EP400: variants seen among roughly 807,000 people sequenced by gnomAD.
EP400 encodes the protein E1A-binding protein p400.
A neutral mutation model predicts 354.1 loss-of-function variants in EP400; 105 were observed. The observed-to-expected ratio is 0.30, with a 90% CI of 0.25 to 0.35. The LOEUF (loss-of-function observed/expected upper bound fraction) is 0.35. EP400 is among the 10% of genes least tolerant of loss of function. The pLI, the probability that EP400 is intolerant of heterozygous loss-of-function variation, is 1.00. For synonymous variants in EP400, 1,646 were observed against 1,716.9 expected, an observed-to-expected ratio of 0.96 and a Z score of 1.02; for missense variants, 3,280 against 4,121.0, an observed-to-expected ratio of 0.80 and a Z score of 5.59.
intron 45 of EP400, among the ~76,000 whole-genome samples, chr12:132,059,999 G>A (rs1225469327): frequency 6.6e-6 from 1 of 151,934 alleles, no homozygotes; most frequent in Non-Finnish European, 1.5e-5. Flanking sequence ...CTCCAGCCTG[G>A]GTGACAGAGC....
At chr12:131,996,833 G>T (rs999900829) in intron 12 of EP400, among the ~76,000 whole-genome samples, 1 of 152,048 alleles carries the variant, frequency 6.6e-6, no homozygotes, top group Non-Finnish European at 1.5e-5. Flanking sequence ...TTATTGACTT[G>T]TTGGTGATGG....
At chr12:131,964,790 T>G (rs1892017079) in intron 2 of EP400, among the ~76,000 whole-genome samples, 1 of 152,258 alleles carries the variant, frequency 6.6e-6, no homozygotes, top group South Asian at 2.1e-4. Flanking sequence ...TTTCCTTACC[T>G]AATCACAGTA....
rs746603181 is a variant in EP400 at position 132,062,331 on chromosome 12, C to T, written c.8098+8C>T. ...TGCCCCAAGTGTCCCAAGGTAAAGC[C>T]AGGCTGGGAGCTTTCTCTGCCACAC... On this transcript the variant is annotated splice_region_variant and intron_variant, in intron 46 of 52. Coordinates refer to ENST00000389561, the MANE Select transcript of EP400 (RefSeq NM_015409.5). 1.1e-5 allele frequency: 18 copies of T among 1,613,924 alleles called. No individual in the cohort carries two copies. The South Asian group carries it at 1.9e-4, about 17-fold the overall frequency.
chr12:132,010,704 G>A (rs1407848490), intron 15 of EP400, among the ~76,000 whole-genome samples: 3 of 152,344 alleles, frequency 2.0e-5, no homozygotes, highest in African/African-American at 7.2e-5. Context: ...CACGTTGGGA[G>A]GCCGAGGTAG....
rs372302701 is a variant in EP400 at position 132,067,369 on chromosome 12, C to T, written c.8757C>T (p.Thr2919=). ...GGCTTTTGCTGCCTGCAGGACAGAC[C>T]GTGGTGGCCCAGCCCGTGCACATGC... ...IGQPQKAAGQ[T]VVAQPVHMQQ... The change falls in exon 50 of 53, where the codon ACC becomes ACT. Residue 2919 remains threonine, a synonymous_variant. Coordinates refer to ENST00000389561, the MANE Select transcript of EP400 (RefSeq NM_015409.5). The surrounding 1 kb of genome is among the most constrained non-coding windows in gnomAD (Gnocchi z 5.3). 10 of 1,613,224 alleles carry T rather than the reference C, an allele frequency of 6.2e-6. No individual in the cohort carries two copies. Among genetic ancestry groups the T allele is most frequent in the African/African-American group, 4.0e-5 (3 of 74,892 alleles).
chr12:131,966,017 G>C (rs537498228), intron 2 of EP400, among the ~76,000 whole-genome samples: 206 of 151,884 alleles, frequency 1.4e-3, no homozygotes, highest in African/African-American at 4.9e-3. Context: ...ATTCTGGTTT[G>C]GGTGGCTGGC....
In EP400 at chr12:132,018,821, G is replaced by A. The variant is rs181265458; in HGVS notation, c.4277+445G>A. ...TCATGAGGCTGGGAGGGACAGACAC[G>A]TTAGATGATTAAAACGAGATATAAA... On this transcript the variant is annotated intron_variant, in intron 21 of 52. Transcript: ENST00000389561. This position sits in a 1 kb window ranked among gnomAD's most constrained non-coding sequence, Gnocchi z 4.0. Among the ~76,000 whole-genome samples, 4 of 152,304 alleles carry A rather than the reference G, an allele frequency of 2.6e-5. No individual in the cohort carries two copies. The highest frequency in any genetic ancestry group is 4.1e-4 in the South Asian group (2 of 4,830).
rs549810316 is a variant in EP400 at position 132,024,081 on chromosome 12, T to A, written c.4855+140T>A. On this transcript the variant is annotated intron_variant, in intron 24 of 52. Transcript: ENST00000389561. ...CCGATGATGCATCTCACCTCATGGG[T>A]TCATGGAAGACCAGCGAGATGACGT... The A allele has an allele frequency of 9.7e-5, 93 of 957,138 alleles. No individual in the cohort carries two copies. In the African/African-American group the frequency reaches 1.5e-3, roughly 15 times the overall value. 59.3% of individuals were successfully genotyped at this position (957,138 alleles called of 1,614,324 possible).
chr12:132,021,055 A>G, intron 22 of EP400, 24 bp from the exon 23 acceptor site: 1 of 1,567,956 alleles, frequency 6.4e-7, no homozygotes, highest in Non-Finnish European at 8.6e-7. Flanking sequence ...ACAGCTTTGC[A>G]CAAACAAACC....
rs1360025944 is a variant in EP400 at position 132,021,145 on chromosome 12, C to T, written c.4514C>T (p.Ala1505Val). The T allele has an allele frequency of 3.1e-6, 5 of 1,600,622 alleles. No homozygotes were observed. Among genetic ancestry groups the T allele is most frequent in the African/African-American group, 2.7e-5 (2 of 75,044 alleles). Residue 1505 changes from alanine to valine, a missense_variant, in exon 23 of 53, where the codon GCC becomes GTC. By Grantham distance (64) the Ala-to-Val change is moderately conservative. This residue lies in a region of EP400 where 342 missense variants were observed against 342.7 expected (regional missense o/e 1.00). Transcript: ENST00000389561. ...ASAPRHQPAS[A>V]SSTAASPAHP... ...GCTCCACGACACCAGCCCGCCTCGGCCTCCAGCACAGCCGCTAGCCCGGCC... is the reference window on the plus strand; with the variant it reads ...GCTCCACGACACCAGCCCGCCTCGGTCTCCAGCACAGCCGCTAGCCCGGCC...
rs1422394877 is a variant in EP400 at position 132,052,999 on chromosome 12, A to G, written c.7395-147A>G. On this transcript the variant is annotated intron_variant, in intron 41 of 52. Coordinates refer to ENST00000389561, the MANE Select transcript of EP400 (RefSeq NM_015409.5). This position sits in a 1 kb window ranked among gnomAD's most constrained non-coding sequence, Gnocchi z 4.4. ...AGGTCTAGGTGGCTCGATCTCCTGC[A>G]GGGCACATTGGGCACCTTGCTTTAC... is the stretch of plus-strand genomic sequence containing the variant. 6 of 773,486 alleles carry G rather than the reference A, an allele frequency of 7.8e-6. No individual in the cohort carries two copies. Among genetic ancestry groups the G allele is most frequent in the South Asian group, 1.6e-5 (1 of 62,946 alleles). The allele number at this position is 773,486 out of a possible 1,614,324, so 47.9% of individuals were successfully genotyped here. A position where few individuals can be genotyped will look rare whatever the true frequency, so the allele number is the denominator to read the frequency against.
chr12:131,983,228 GA>G (rs1200802097), intron 5 of EP400, among the ~76,000 whole-genome samples: 1 of 152,196 alleles, frequency 6.6e-6, no homozygotes, highest in Non-Finnish European at 1.5e-5. Context: ...AGCTCCATGT[GA>G]GTGCAAAACC....
Position 132,032,019 on chromosome 12 carries a change from A to T in EP400, c.5821A>T (p.Thr1941Ser). 6.2e-7 allele frequency: 1 copy of T among 1,614,262 alleles called. No individual in the cohort carries two copies. The highest frequency in any genetic ancestry group is 8.5e-7 in the Non-Finnish European group (1 of 1,180,042). The change falls in exon 30 of 53, where the codon ACC becomes TCC. Residue 1941 changes from threonine to serine, a missense_variant. Physicochemically the swap from Thr to Ser is moderately conservative, Grantham distance 58 (BLOSUM62 1). Transcript: ENST00000389561. The part of the protein sequence containing the change: ...FCAILSTHSR[T>S]TGINLVEADT... ...TGCCATTCTCTCCACTCACAGCCGT[A>T]CCACAGGTATAAACCTTGTAGAGGC...
In EP400 at chr12:131,987,748, G is replaced by T. The variant is rs527282405; in HGVS notation, c.2267G>T (p.Gly756Val). 2.5e-6 allele frequency: 4 copies of T among 1,611,350 alleles called. No individual in the cohort carries two copies. The highest frequency in any genetic ancestry group is 2.2e-5 in the South Asian group (2 of 90,640). ...CGCATTGCGGAGCTGAGGAAAGCAGGTCTGTGGTCCCAGAGGCGTCTGCCA... is the reference window on the plus strand; with the variant it reads ...CGCATTGCGGAGCTGAGGAAAGCAGTTCTGTGGTCCCAGAGGCGTCTGCCA... ...HQRIAELRKA[G>V]LWSQRRLPKL... The change falls in exon 7 of 53, where the codon GGT becomes GTT. Residue 756 changes from glycine to valine, a missense_variant. Transcript: ENST00000389561.
intron 47 of EP400, 128 bp from the exon 48 acceptor site, chr12:132,064,540 G>T (rs1400958138): frequency 5.5e-6 from 7 of 1,280,352 alleles, no homozygotes; most frequent in African/African-American, 1.5e-5. Context: ...CGGTCTGGAT[G>T]CTGCACGGTA....
chr12:132,076,348 C>T (rs1041182459), intron 51 of EP400, 168 bp from the exon 52 acceptor site: 19 of 721,042 alleles, frequency 2.6e-5, no homozygotes, highest in South Asian at 4.5e-5. Context: ...TGCAGTGGAA[C>T]GACTTGCTCT....
chr12:131,978,556 C>T (rs1424707241), intron 2 of EP400, among the ~76,000 whole-genome samples: 2 of 152,038 alleles, frequency 1.3e-5, no homozygotes, highest in African/African-American at 4.8e-5. Flanking sequence ...TACTTTGTTG[C>T]CCAGGCTGGA....
chr12:132,003,167 A>G (rs1893473517), intron 12 of EP400, among the ~76,000 whole-genome samples: 1 of 151,496 alleles, frequency 6.6e-6, no homozygotes, highest in African/African-American at 2.4e-5. Context: ...GCAACATAGC[A>G]AGACCCCATC....
intron 2 of EP400, among the ~76,000 whole-genome samples, chr12:131,977,775 A>G (rs1892534645): frequency 6.6e-6 from 1 of 151,840 alleles, no homozygotes; most frequent in Admixed American, 6.6e-5. Flanking sequence ...CCTGCTACAT[A>G]TGCTGTATTG....
Sources: allele counts gnomAD v4.1 joint callset (sites outside exome capture counted in the v4.1 genomes callset), GRCh38; gene constraint gnomAD v4.1.1; regional missense constraint gnomAD v4.1.1; non-coding constraint Gnocchi (gnomAD v3.1); transcripts MANE v1.5; gene names NCBI Gene and HGNC (gene_info 2026-07-23, HGNC 2026-07-21).